ADGRL2: variants seen among roughly 807,000 people sequenced by gnomAD.
ADGRL2 encodes the protein adhesion G protein-coupled receptor L2, also known as calcium-independent alpha-latrotoxin receptor 2.
In ADGRL2, 44 loss-of-function variants were observed where a neutral mutation model predicts 157.4. The observed-to-expected ratio is 0.28, with a 90% CI of 0.22 to 0.36. The LOEUF (loss-of-function observed/expected upper bound fraction) is 0.36, where lower values mean the gene tolerates loss of function less well. Ranked by LOEUF, ADGRL2 falls within the 10% of genes least tolerant of loss-of-function variation. ADGRL2 has a pLI of 1.00. For missense variants in ADGRL2, 1,510 were observed against 1,768.9 expected (o/e 0.85, Z 2.63); for synonymous variants, 585 against 624.7 (o/e 0.94, Z 0.95).
chr1:81,538,425 C>T (rs1355338456), intron 2 of ADGRL2, among the ~76,000 whole-genome samples: 1 of 152,042 alleles, frequency 6.6e-6, no homozygotes, highest in Non-Finnish European at 1.5e-5. Context: ...TTGTCATTAG[C>T]CAGCAGGGGG....
rs1026573254 is a variant in ADGRL2, at chr1:81,758,380, C to A, written c.-142-3431C>A. ...AACTCATTCCTCACCTCTACTCACT[C>A]CCTGGCATCTCCTGAGGTTCTTGAA... On this transcript the variant is annotated intron_variant, in intron 1 of 20. Transcript: ENST00000359929. Among the ~76,000 whole-genome samples the A allele has an allele frequency of 2.0e-5, 3 of 152,230 alleles. No individual in the cohort carries two copies. In the South Asian group the frequency reaches 6.2e-4, roughly 32 times the overall value.
chr1:81,877,050 T>C (rs1361988944), intron 2 of ADGRL2, among the ~76,000 whole-genome samples: 1 of 152,160 alleles, frequency 6.6e-6, no homozygotes, highest in African/African-American at 2.4e-5. Context: ...CCTTAACTCC[T>C]GTTCCTGTCT....
At chr1:81,335,856 C>A (rs1005292044) in intron 1 of ADGRL2, among the ~76,000 whole-genome samples, 16 of 150,592 alleles carry the variant, frequency 1.1e-4, no homozygotes, top group Non-Finnish European at 1.6e-4. Context: ...AAACAAAAAA[C>A]AAAAAACAAA....
intron 1 of ADGRL2, among the ~76,000 whole-genome samples, chr1:81,367,277 G>A (rs190316226): frequency 6.6e-6 from 1 of 152,252 alleles, no homozygotes; most frequent in East Asian, 1.9e-4. Flanking sequence ...ACATACATAG[G>A]TAAAGTGTGC....
Position 81,943,026 on chromosome 1 carries a change from C to G in ADGRL2, c.467C>G (p.Ala156Gly), listed in dbSNP as rs1250511692. 1.9e-6 allele frequency: 3 copies of G among 1,613,236 alleles called. No homozygotes were observed. In the Admixed American group the frequency reaches 5.0e-5, roughly 27 times the overall value. Reference protein sequence around the residue: ...AIVDSPCIYEAEQKAGAWCKD... With the variant: ...AIVDSPCIYEGEQKAGAWCKD... ...GTGGACTCACCATGTATATATGAAG[C>G]TGAACAAAAGGCGGGTGCTTGGTGC... is the stretch of plus-strand genomic sequence containing the variant. The change falls in exon 6 of 24, where the codon GCT (alanine) becomes GGT (glycine). Residue 156 changes from alanine (A) to glycine (G), a missense_variant. Physicochemically the swap from Ala to Gly is moderately conservative, Grantham distance 60. Coordinates refer to ENST00000686636, the MANE Select transcript of ADGRL2 (RefSeq NM_001366006.2). The surrounding 1 kb of genome is among the most constrained non-coding windows in gnomAD (Gnocchi z 5.6).
chr1:81,400,310 T>C (rs1188936455), intron 1 of ADGRL2, among the ~76,000 whole-genome samples: 1 of 152,042 alleles, frequency 6.6e-6, no homozygotes, highest in Non-Finnish European at 1.5e-5. Context: ...TCAGAGTCTG[T>C]GAACCTATGG....
intron 3 of ADGRL2, among the ~76,000 whole-genome samples, chr1:81,606,917 C>T (rs1441743596): frequency 6.6e-6 from 1 of 152,116 alleles, no homozygotes; most frequent in Non-Finnish European, 1.5e-5. Flanking sequence ...ATGAATCAAG[C>T]ATTTTAGACA....
At chr1:81,616,728 G>T (rs1420714067) in intron 3 of ADGRL2, among the ~76,000 whole-genome samples, 1 of 134,408 alleles carries the variant, frequency 7.4e-6, no homozygotes, top group African/African-American at 2.8e-5. Context: ...CCTGGCTGGA[G>T]TGCAGTGGCA....
chr1:81,438,097 C>A (rs1340103289), intron 1 of ADGRL2, among the ~76,000 whole-genome samples: 1 of 150,488 alleles, frequency 6.6e-6, no homozygotes, highest in African/African-American at 2.4e-5. Flanking sequence ...GTGATCAACA[C>A]ATTGAAATGT....
chr1:81,616,778 G>A (rs540630580), intron 3 of ADGRL2, among the ~76,000 whole-genome samples: 34 of 149,734 alleles, frequency 2.3e-4, no homozygotes, highest in African/African-American at 8.4e-4. Flanking sequence ...CTGGACTCAA[G>A]TGATCCTCCA....
At chr1:81,525,501 A>G (rs902080461) in intron 2 of ADGRL2, among the ~76,000 whole-genome samples, 1 of 152,004 alleles carries the variant, frequency 6.6e-6, no homozygotes, top group African/African-American at 2.4e-5. Context: ...TATTTCTAGT[A>G]GAGACGGGGT....
intron 2 of ADGRL2, among the ~76,000 whole-genome samples, chr1:81,569,770 A>G (rs1270182311): frequency 1.3e-5 from 2 of 152,212 alleles, no homozygotes; most frequent in Non-Finnish European, 2.9e-5. Context: ...TGATCATGCC[A>G]CTGCACTCCA....
chr1:81,406,945 T>C (rs987363620), intron 1 of ADGRL2, among the ~76,000 whole-genome samples: 1 of 152,194 alleles, frequency 6.6e-6, no homozygotes, highest in Non-Finnish European at 1.5e-5. Context: ...TTGAGAATAC[T>C]GGTGTTTTAA....
intron 6 of ADGRL2, among the ~76,000 whole-genome samples, chr1:81,944,423 A>G (rs1043798787): frequency 6.6e-6 from 1 of 152,166 alleles, no homozygotes; most frequent in Admixed American, 6.6e-5. Flanking sequence ...TATTCTCTTT[A>G]TGGAGGATCA....
At chr1:81,602,190 T>G (rs1427667595) in intron 3 of ADGRL2, among the ~76,000 whole-genome samples, 1 of 152,230 alleles carries the variant, frequency 6.6e-6, no homozygotes, top group Non-Finnish European at 1.5e-5. Flanking sequence ...CCAGGCACAG[T>G]GGCTCACACC....
rs74786379 is a variant in ADGRL2, at chr1:81,689,775, C to T, written c.-142-72036C>T. 7.0e-3 allele frequency among the ~76,000 whole-genome samples: 1,067 copies of T among 152,260 alleles called. 9 individuals carry two copies. The highest frequency in any genetic ancestry group is 0.016 in the Admixed American group (247 of 15,280). ...ATCAAAAGGCAGGAAGGAGCCAGTG[C>T]GTTTGAGACTGAGGCTAAGTAAGCA... On this transcript the variant is annotated intron_variant, in intron 3 of 24. Coordinates refer to the ADGRL2 transcript ENST00000370721.
chr1:81,385,505 G>A lies in ADGRL2; in HGVS notation c.-301-59531G>A, dbSNP rs79469275. On this transcript the variant is annotated intron_variant, in intron 1 of 24. Transcript: ENST00000370721. ...AAGGCAGATCATGTGACATATTAAT[G>A]GGAAAGAATAAACCTGAGGGTAACT... is the stretch of plus-strand genomic sequence containing the variant. 7.3e-3 allele frequency among the ~76,000 whole-genome samples: 1,108 copies of A among 152,040 alleles called. 18 individuals are homozygous for A. The highest frequency in any genetic ancestry group is 0.054 in the South Asian group (262 of 4,822).
At chr1:81,807,399 G>A (rs534268062) in intron 1 of ADGRL2, among the ~76,000 whole-genome samples, 11 of 152,056 alleles carry the variant, frequency 7.2e-5, no homozygotes, top group Admixed American at 6.5e-4. Flanking sequence ...TTGATTGAAG[G>A]TTGAAAGGTT....
intron 3 of ADGRL2, among the ~76,000 whole-genome samples, chr1:81,678,383 A>G (rs752030291): frequency 2.6e-5 from 4 of 152,224 alleles, no homozygotes. Flanking sequence ...CTGTCTACGC[A>G]GGCAAGCAAA....
Sources: allele counts gnomAD v4.1 joint callset (sites outside exome capture counted in the v4.1 genomes callset), GRCh38; gene constraint gnomAD v4.1.1; non-coding constraint Gnocchi (gnomAD v3.1); transcripts MANE v1.5; gene names NCBI Gene and HGNC (gene_info 2026-07-23, HGNC 2026-07-21).